Variants in DLG2 observed in about 807,000 individuals in gnomAD.
DLG2 encodes disks large homolog 2.
A neutral mutation model predicts 132.5 loss-of-function variants in DLG2; 45 were observed. The ratio of observed to expected loss-of-function variants is 0.34; its 90% confidence interval spans 0.27 to 0.44. DLG2 has a LOEUF of 0.44. DLG2 is among the 20% of genes least tolerant of loss of function. The pLI, the probability that DLG2 is intolerant of heterozygous loss-of-function variation, is 1.00. For synonymous variants in DLG2, 424 were observed against 419.6 expected (o/e 1.01, Z -0.13); for missense variants, 1,045 against 1,196.9 (o/e 0.87, Z 1.87).
intron 26 of DLG2, among the ~76,000 whole-genome samples, chr11:83,464,951 A>G (rs902671215): frequency 2.0e-5 from 3 of 152,212 alleles, no homozygotes; most frequent in Non-Finnish European, 2.9e-5. Context: ...TTATAAATCA[A>G]TTTTACATCA....
At chr11:84,585,240 CAT>C (rs1346097445) in intron 6 of DLG2, among the ~76,000 whole-genome samples, 2 of 152,000 alleles carry the variant, frequency 1.3e-5, no homozygotes, top group Admixed American at 1.3e-4. Context: ...ATTAAGTCCT[CAT>C]ATATGAGGTA....
Position 84,305,613 on chromosome 11 carries a change from CTATT to C in DLG2, c.520-54326_520-54323del, listed in dbSNP as rs537164910. On this transcript the variant is annotated intron_variant, in intron 7 of 27. Coordinates refer to ENST00000376104, the MANE Select transcript of DLG2 (RefSeq NM_001142699.3). ...TCTAGCTAGTTATCTGTCTATCTAT[CTATT>C]TATCTACCTACCTACCTACCTATTC... Among the ~76,000 whole-genome samples, 364 of 152,200 alleles carry C rather than the reference CTATT, an allele frequency of 2.4e-3. 1 individual carries two copies. Among genetic ancestry groups the C allele is most frequent in the African/African-American group, 8.5e-3 (352 of 41,546 alleles).
chr11:84,669,365 T>C (rs1394646918), intron 6 of DLG2, among the ~76,000 whole-genome samples: 2 of 152,168 alleles, frequency 1.3e-5, no homozygotes, highest in South Asian at 2.1e-4. Context: ...ACTAACTTCA[T>C]ATGCCAAAGT....
intron 6 of DLG2, among the ~76,000 whole-genome samples, chr11:84,696,975 G>C (rs2058682213): frequency 6.6e-6 from 1 of 151,304 alleles, no homozygotes; most frequent in African/African-American, 2.4e-5. Flanking sequence ...AAATATTAAA[G>C]AGATTGACTC....
intron 6 of DLG2, among the ~76,000 whole-genome samples, chr11:85,069,015 G>C (rs955741940): frequency 3.3e-5 from 5 of 152,006 alleles, no homozygotes; most frequent in African/African-American, 1.2e-4. Flanking sequence ...ACAACCATCT[G>C]ATCTCTGACA....
chr11:83,705,916 C>G (rs1323220989), intron 18 of DLG2, among the ~76,000 whole-genome samples: 1 of 152,130 alleles, frequency 6.6e-6, no homozygotes, highest in Non-Finnish European at 1.5e-5. Context: ...TTCAACTTCA[C>G]AATTAAACAT....
chr11:84,959,978 G>T (rs972867247), intron 6 of DLG2, among the ~76,000 whole-genome samples: 44 of 152,168 alleles, frequency 2.9e-4, no homozygotes, highest in Admixed American at 2.4e-3. Flanking sequence ...ATATTTTCAA[G>T]GGGAAAGAAT....
At chr11:85,148,106 T>A (rs2076982164) in intron 5 of DLG2, among the ~76,000 whole-genome samples, 1 of 152,188 alleles carries the variant, frequency 6.6e-6, no homozygotes. Flanking sequence ...TGGTTGCATA[T>A]TATTCCATGG....
intron 6 of DLG2, among the ~76,000 whole-genome samples, chr11:84,565,209 G>T (rs893393382): frequency 1.3e-5 from 2 of 152,144 alleles, no homozygotes; most frequent in African/African-American, 4.8e-5. Flanking sequence ...TTCTGACAAA[G>T]AAAATAGGTC....
chr11:85,527,130 T>G (rs1407131622), intron 3 of DLG2, among the ~76,000 whole-genome samples: 5 of 152,038 alleles, frequency 3.3e-5, no homozygotes, highest in African/African-American at 1.2e-4. Context: ...GGTGCTAAAT[T>G]TCTTGGGGTT....
intron 6 of DLG2, among the ~76,000 whole-genome samples, chr11:84,737,582 A>G (rs1596959729): frequency 6.6e-6 from 1 of 151,868 alleles, no homozygotes; most frequent in East Asian, 1.9e-4. Flanking sequence ...GTATTTAAGC[A>G]GGAGTGGGGG....
intron 9 of DLG2, among the ~76,000 whole-genome samples, chr11:84,155,756 C>A (rs1428137287): frequency 6.6e-6 from 1 of 152,084 alleles, no homozygotes; most frequent in African/African-American, 2.4e-5. Flanking sequence ...GCAAGTAGTT[C>A]AGAATGACTG....
At chr11:84,874,172 T>G (rs564892765) in intron 6 of DLG2, among the ~76,000 whole-genome samples, 1 of 152,270 alleles carries the variant, frequency 6.6e-6, no homozygotes, top group South Asian at 2.1e-4. Context: ...ATAACACACA[T>G]GAGGGTATTA....
intron 6 of DLG2, among the ~76,000 whole-genome samples, chr11:84,787,979 G>A (rs2073195196): frequency 6.6e-6 from 1 of 151,114 alleles, no homozygotes. Flanking sequence ...GTGCATGCCT[G>A]TAGTCCCAGT....
At chr11:84,294,194 C>T (rs2098053887) in intron 7 of DLG2, among the ~76,000 whole-genome samples, 1 of 152,172 alleles carries the variant, frequency 6.6e-6, no homozygotes, top group African/African-American at 2.4e-5. Flanking sequence ...TAAACAACCA[C>T]TCTGTTTTTA....
intron 9 of DLG2, among the ~76,000 whole-genome samples, chr11:84,108,088 A>G (rs2093093767): frequency 6.6e-6 from 1 of 152,166 alleles, no homozygotes; most frequent in African/African-American, 2.4e-5. Flanking sequence ...ATAGGAAAAT[A>G]TGAGACGTAA....
intron 19 of DLG2, among the ~76,000 whole-genome samples, chr11:83,555,071 G>A (rs1432168648): frequency 6.6e-6 from 1 of 152,232 alleles, no homozygotes; most frequent in Non-Finnish European, 1.5e-5. Context: ...CTATTCTGGA[G>A]GGACCAGGTT....
chr11:83,862,121 T>C (rs116142772), intron 16 of DLG2, among the ~76,000 whole-genome samples: 46 of 152,308 alleles, frequency 3.0e-4, no homozygotes, highest in African/African-American at 1.1e-3. Flanking sequence ...AATCAGTATA[T>C]CAAAGATATC....
chr11:84,877,500 T>C (rs1399370107), intron 6 of DLG2, among the ~76,000 whole-genome samples: 4 of 148,582 alleles, frequency 2.7e-5, no homozygotes, highest in African/African-American at 9.9e-5. Flanking sequence ...GAGACTAGGA[T>C]TGCAACCCCT....
Sources: allele counts gnomAD v4.1 joint callset (sites outside exome capture counted in the v4.1 genomes callset), GRCh38; gene constraint gnomAD v4.1.1; transcripts MANE v1.5; gene names NCBI Gene and HGNC (gene_info 2026-07-23, HGNC 2026-07-21).